The following GALNT18 variants were observed in gnomAD, a reference collection of about 807,000 sequenced individuals.
GALNT18 encodes GalNAc-transferase 18.
GALNT18 carries 44 observed loss-of-function variants against 69.5 expected under a neutral mutation model. The observed-to-expected ratio is 0.63, with a 90% CI of 0.50 to 0.81. The LOEUF is 0.81. Among genes scored for constraint, GALNT18 ranks in the 40% least tolerant of loss-of-function variants. GALNT18 has a pLI of 0.00. For missense variants in GALNT18, 715 were observed against 810.0 expected, an observed-to-expected ratio of 0.88 and a Z score of 1.42; for synonymous variants, 364 against 318.2, an observed-to-expected ratio of 1.14 and a Z score of -1.53.
intron 6 of GALNT18, among the ~76,000 whole-genome samples, chr11:11,351,312 G>T: frequency 6.6e-6 from 1 of 152,204 alleles, no homozygotes; most frequent in East Asian, 1.9e-4. Flanking sequence ...GGTGAAGCTA[G>T]CCAGGGTGGT....
intron 10 of GALNT18, among the ~76,000 whole-genome samples, chr11:11,272,742 C>T (rs997116855): frequency 6.6e-6 from 1 of 151,286 alleles, no homozygotes; most frequent in Non-Finnish European, 1.5e-5. Flanking sequence ...CACCCATGCC[C>T]CACCTCCACT....
rs7128418 is a variant in GALNT18 at position 11,289,511 on chromosome 11, G to T, written c.1677+3518C>A. Reference sequence around the variant, plus strand: ...GGCTGCCTTTTCAAGCCATGCCCTGGGATAAGGGAAGGAGGGAGCTGGAAC... The same window carrying T: ...GGCTGCCTTTTCAAGCCATGCCCTGTGATAAGGGAAGGAGGGAGCTGGAAC... On this transcript the variant is annotated intron_variant, in intron 10 of 10. Coordinates refer to ENST00000227756, the MANE Select transcript of GALNT18 (RefSeq NM_198516.3). Among the ~76,000 whole-genome samples the T allele has an allele frequency of 2.1e-3, 323 of 152,146 alleles. 2 individuals carry two copies. Among genetic ancestry groups the T allele is most frequent in the Non-Finnish European group, 3.8e-3 (259 of 67,986 alleles).
intron 1 of GALNT18, among the ~76,000 whole-genome samples, chr11:11,525,322 G>A (rs1857494840): frequency 6.6e-6 from 1 of 152,122 alleles, no homozygotes; most frequent in African/African-American, 2.4e-5. Flanking sequence ...CCTAGAAGTG[G>A]TAGAATGGAG....
chr11:11,375,201 T>A (rs1265734205), intron 5 of GALNT18, among the ~76,000 whole-genome samples: 1 of 152,240 alleles, frequency 6.6e-6, no homozygotes, highest in Non-Finnish European at 1.5e-5. Flanking sequence ...ATGGGCAAGA[T>A]ACATTTGTAT....
Position 11,542,612 on chromosome 11 carries a change from G to A in GALNT18, c.235+78747C>T, listed in dbSNP as rs969836742. On this transcript the variant is annotated intron_variant, in intron 1 of 10. Coordinates refer to ENST00000227756, the MANE Select transcript of GALNT18 (RefSeq NM_198516.3). This position sits in a 1 kb window ranked among gnomAD's most constrained non-coding sequence, Gnocchi z 4.3. ...TGTCAAAAAGAGAATGTAGAGTAAA[G>A]AGGTCAAGAACATTGATTCTGGACT... is the stretch of plus-strand genomic sequence containing the variant. Among the ~76,000 whole-genome samples the A allele has an allele frequency of 6.6e-6, 1 of 152,200 alleles. No homozygotes were observed. The highest frequency in any genetic ancestry group is 2.4e-5 in the African/African-American group (1 of 41,450).
rs1859754454 is a variant in GALNT18, at chr11:11,606,329, CTAA to C, written c.235+15027_235+15029del. On this transcript the variant is annotated intron_variant, in intron 1 of 10. Coordinates refer to ENST00000227756, the MANE Select transcript of GALNT18 (RefSeq NM_198516.3). This position sits in a 1 kb window ranked among gnomAD's most constrained non-coding sequence, Gnocchi z 5.4. ...CCCACAGTCTAATGAGAAAAGCAGA[CTAA>C]TAATTACAGGACAGTATGATTTTCT... 6.6e-6 allele frequency among the ~76,000 whole-genome samples: 1 copy of C among 152,174 alleles called. No individual in the cohort carries two copies. Among genetic ancestry groups the C allele is most frequent in the Non-Finnish European group, 1.5e-5 (1 of 68,038 alleles).
intron 3 of GALNT18, among the ~76,000 whole-genome samples, chr11:11,397,178 T>C (rs1483505593): frequency 1.3e-5 from 2 of 152,110 alleles, no homozygotes; most frequent in African/African-American, 2.4e-5. Flanking sequence ...GCTTATCAAC[T>C]CCTATCACCC....
chr11:11,580,043 T>G (rs1223519371), intron 1 of GALNT18, among the ~76,000 whole-genome samples: 1 of 152,226 alleles, frequency 6.6e-6, no homozygotes, highest in Non-Finnish European at 1.5e-5. Flanking sequence ...AAGTTCTGTA[T>G]TATTCAACTT....
In GALNT18 at chr11:11,480,856, G is replaced by A. The variant is rs932817157; in HGVS notation, c.236-31920C>T. On this transcript the variant is annotated intron_variant, in intron 1 of 10. Transcript: ENST00000227756. This position sits in a 1 kb window ranked among gnomAD's most constrained non-coding sequence, Gnocchi z 4.6. Reference sequence around the variant, plus strand: ...GGAATTACTGCTTAATCCTGGTTAGGGGAAAATGATTCCTGACTCAGGACT... The same window carrying A: ...GGAATTACTGCTTAATCCTGGTTAGAGGAAAATGATTCCTGACTCAGGACT... Among the ~76,000 whole-genome samples the A allele has an allele frequency of 3.3e-5, 5 of 152,180 alleles. No individual in the cohort carries two copies. The highest frequency in any genetic ancestry group is 7.3e-5 in the Non-Finnish European group (5 of 68,034).
intron 1 of GALNT18, among the ~76,000 whole-genome samples, chr11:11,464,644 T>G (rs1350795410): frequency 2.0e-5 from 3 of 152,180 alleles, no homozygotes. Flanking sequence ...GTAAATAAAA[T>G]GAAATTCATT....
At chr11:11,399,037 T>C (rs34703524) in intron 3 of GALNT18, among the ~76,000 whole-genome samples, 2 of 152,134 alleles carry the variant, frequency 1.3e-5, no homozygotes, top group South Asian at 2.1e-4. Flanking sequence ...TTCCCCAAAA[T>C]TCATCTGTTG....
At chr11:11,312,244 C>G (rs11021784) in intron 9 of GALNT18, among the ~76,000 whole-genome samples, 1 of 152,120 alleles carries the variant, frequency 6.6e-6, no homozygotes, top group Admixed American at 6.5e-5. Flanking sequence ...CCACCACGCC[C>G]GGCCCATGTA....
intron 1 of GALNT18, among the ~76,000 whole-genome samples, chr11:11,488,222 A>G (rs1754469035): frequency 6.6e-6 from 1 of 152,202 alleles, no homozygotes; most frequent in African/African-American, 2.4e-5. Context: ...TCACTGGGCT[A>G]AAATCAAAGG....
At chr11:11,431,185 A>G (rs983575589) in intron 3 of GALNT18, among the ~76,000 whole-genome samples, 4 of 152,180 alleles carry the variant, frequency 2.6e-5, no homozygotes, top group African/African-American at 9.7e-5. Context: ...TGAGGAGTTC[A>G]GCCTCTTGCT....
intron 1 of GALNT18, among the ~76,000 whole-genome samples, chr11:11,607,500 C>A (rs1164328663): frequency 2.0e-5 from 3 of 152,126 alleles, no homozygotes; most frequent in Non-Finnish European, 2.9e-5. Context: ...ATGGAATGTA[C>A]CTTCCCAGTG....
Position 11,542,243 on chromosome 11 carries a change from A to T in GALNT18, c.235+79116T>A, listed in dbSNP as rs1031393402. ...AACAAAACTGTGGGAACAGCCTGTC[A>T]TCTCACTCAGAGCTCCCCTCCTTGT... is the stretch of plus-strand genomic sequence containing the variant. On this transcript the variant is annotated intron_variant, in intron 1 of 10. Transcript: ENST00000227756. This position sits in a 1 kb window ranked among gnomAD's most constrained non-coding sequence, Gnocchi z 4.3. Among the ~76,000 whole-genome samples the T allele has an allele frequency of 3.9e-5, 6 of 152,160 alleles. No individual in the cohort carries two copies. Among genetic ancestry groups the T allele is most frequent in the Non-Finnish European group, 8.8e-5 (6 of 68,028 alleles).
intron 1 of GALNT18, among the ~76,000 whole-genome samples, chr11:11,473,991 G>T (rs930638766): frequency 1.3e-5 from 2 of 152,178 alleles, no homozygotes; most frequent in Non-Finnish European, 2.9e-5. Context: ...CTTGAACCTG[G>T]GAGGTAGAGG....
rs966189160 is a variant in GALNT18, at chr11:11,538,381, TCATTTCAGCTGAGC to T, written c.235+82964_235+82977del. ...GAGGGCTGCTCTTTCTGCCGCATGT[TCATTTCAGCTGAGC>T]CACCCGGGGTGTCTGTCCCCAGACG... On this transcript the variant is annotated intron_variant, in intron 1 of 10. Coordinates refer to ENST00000227756, the MANE Select transcript of GALNT18 (RefSeq NM_198516.3). The surrounding 1 kb of genome is among the most constrained non-coding windows in gnomAD (Gnocchi z 5.2). Among the ~76,000 whole-genome samples the T allele has an allele frequency of 5.9e-5, 9 of 152,272 alleles. No individual in the cohort carries two copies. Among genetic ancestry groups the T allele is most frequent in the African/African-American group, 2.2e-4 (9 of 41,552 alleles).
chr11:11,475,764 A>C (rs72863094), intron 1 of GALNT18: 5 of 152,206 alleles, frequency 3.3e-5, no homozygotes, highest in Admixed American at 2.6e-4. Context: ...CCCCCACCCC[A>C]ACAGAGATCC....
Sources: allele counts gnomAD v4.1 joint callset (sites outside exome capture counted in the v4.1 genomes callset), GRCh38; gene constraint gnomAD v4.1.1; non-coding constraint Gnocchi (gnomAD v3.1); transcripts MANE v1.5; gene names NCBI Gene and HGNC (gene_info 2026-07-23, HGNC 2026-07-21).